Variants in LIPC observed in about 807,000 individuals in gnomAD.
The protein encoded by LIPC is hepatic triacylglycerol lipase.
In LIPC, 44 loss-of-function variants were observed where a neutral mutation model predicts 50.7. That is an observed-to-expected ratio of 0.87 (90% CI 0.68 to 1.11). The LOEUF (loss-of-function observed/expected upper bound fraction) is 1.11. Ranked by LOEUF, LIPC falls within the 50% of genes most tolerant of loss-of-function variation. The pLI is 0.00. For synonymous variants in LIPC, 271 were observed against 256.4 expected (o/e 1.06, Z -0.54); for missense variants, 697 against 648.2 (o/e 1.08, Z -0.82).
At chr15:58,462,140 C>T (rs1894374477) in intron 1 of LIPC, among the ~76,000 whole-genome samples, 1 of 152,218 alleles carries the variant, frequency 6.6e-6, no homozygotes, top group African/African-American at 2.4e-5. Context: ...ATGCATTGCA[C>T]TGTGTTCATT....
At chr15:58,537,228 T>C (rs1893154402) in intron 1 of LIPC, among the ~76,000 whole-genome samples, 1 of 152,144 alleles carries the variant, frequency 6.6e-6, no homozygotes, top group African/African-American at 2.4e-5. Context: ...ACCAGGCCTC[T>C]TGGCAGAGGT....
rs375085447 is a variant in LIPC at position 58,460,953 on chromosome 15, C to T, written c.88+28833C>T. ...AGTGGTTTTGACCAAGGGACTGACC[C>T]GAACATGGCATGTAAGAGGGGTTTG... is the stretch of plus-strand genomic sequence containing the variant. On this transcript the variant is annotated intron_variant, in intron 1 of 8. Transcript: ENST00000299022. Among the ~76,000 whole-genome samples, 10 of 152,072 alleles carry T rather than the reference C, an allele frequency of 6.6e-5. No homozygotes were observed. The East Asian group carries it at 9.6e-4, about 15-fold the overall frequency.
rs375397641 is a variant in LIPC at position 58,541,779 on chromosome 15, C to T, written c.274-6C>T. ...TAGTGCGACCCTCCCTCTGTCCCCT[C>T]CTCAGGTGGACGGCGTGCTAGAAAA... On this transcript the variant is annotated splice_polypyrimidine_tract_variant and splice_region_variant and intron_variant, in intron 2 of 8. Transcript: ENST00000299022. 3 of 1,613,080 alleles carry T rather than the reference C, an allele frequency of 1.9e-6. No individual in the cohort carries two copies. The highest frequency in any genetic ancestry group is 2.5e-6 in the Non-Finnish European group (3 of 1,179,762).
At chr15:58,453,539 A>G (rs1893989366) in intron 1 of LIPC, among the ~76,000 whole-genome samples, 1 of 152,088 alleles carries the variant, frequency 6.6e-6, no homozygotes, top group South Asian at 2.1e-4. Context: ...GGGAATAGAG[A>G]CTGCTTCTTT....
At chr15:58,500,252 T>C (rs144720392) in intron 1 of LIPC, among the ~76,000 whole-genome samples, 1 of 152,260 alleles carries the variant, frequency 6.6e-6, no homozygotes, top group East Asian at 1.9e-4. Flanking sequence ...GAGGCTCAGT[T>C]TCCTCGTAGG....
At chr15:58,442,427 C>G (rs1248730534) in intron 1 of LIPC, among the ~76,000 whole-genome samples, 1 of 152,148 alleles carries the variant, frequency 6.6e-6, no homozygotes, top group African/African-American at 2.4e-5. Flanking sequence ...AGTCAATGAC[C>G]CTTATGCCAT....
intron 1 of LIPC, chr15:58,436,938 C>T (rs1376582587): frequency 8.9e-6 from 4 of 451,296 alleles, no homozygotes; most frequent in South Asian, 4.7e-5. Context: ...AAAAATATCC[C>T]ATAGAACGGT....
At chr15:58,554,114 T>A (rs1481029391) in intron 6 of LIPC, among the ~76,000 whole-genome samples, 1 of 152,130 alleles carries the variant, frequency 6.6e-6, no homozygotes, top group Non-Finnish European at 1.5e-5. Flanking sequence ...AGAAATATAT[T>A]CTCTTTTCAT....
At chr15:58,436,456 T>A (rs1361644782) in intron 1 of LIPC, 6 of 247,462 alleles carry the variant, frequency 2.4e-5, no homozygotes, top group Non-Finnish European at 4.1e-5. Context: ...ATATTTTTAC[T>A]GCATTTGAAT....
chr15:58,524,814 C>T (rs767406469), intron 1 of LIPC, among the ~76,000 whole-genome samples: 2 of 152,196 alleles, frequency 1.3e-5, no homozygotes, highest in East Asian at 1.9e-4. Flanking sequence ...CGGGGATATT[C>T]GCCCTTTGTG....
intron 1 of LIPC, among the ~76,000 whole-genome samples, chr15:58,451,130 C>T (rs552165443): frequency 3.3e-5 from 5 of 152,254 alleles, no homozygotes; most frequent in Admixed American, 3.3e-4. Flanking sequence ...TACTTGGAGG[C>T]ATGTATCCCC....
chr15:58,475,613 T>C (rs1461649569), intron 1 of LIPC, among the ~76,000 whole-genome samples: 1 of 152,224 alleles, frequency 6.6e-6, no homozygotes, highest in Non-Finnish European at 1.5e-5. Context: ...CAGGCACTCC[T>C]GGAGCACTGC....
chr15:58,500,671 G>C (rs551893569), intron 1 of LIPC, among the ~76,000 whole-genome samples: 1 of 152,066 alleles, frequency 6.6e-6, no homozygotes, highest in Non-Finnish European at 1.5e-5. Context: ...ATAGATTTGG[G>C]ATCCACGTGT....
chr15:58,561,357 G>A, intron 7 of LIPC, among the ~76,000 whole-genome samples: 1 of 152,192 alleles, frequency 6.6e-6, no homozygotes, highest in East Asian at 1.9e-4. Context: ...AGTCATGGGT[G>A]CATTCAAAGA....
intron 6 of LIPC, among the ~76,000 whole-genome samples, chr15:58,552,571 C>A (rs1893804439): frequency 6.6e-6 from 1 of 152,224 alleles, no homozygotes; most frequent in African/African-American, 2.4e-5. Context: ...GCACTCCAGG[C>A]TCCCTGGGTC....
chr15:58,520,121 TTG>T lies in LIPC; in HGVS notation c.89-18210_89-18209del, dbSNP rs1262926711. ...CCTCAGGTTTTGGGCTGTTTTTTTTTTGTTTTTTTTTTAATCTGTTAATTGAA... is the reference window on the plus strand; with the variant it reads ...CCTCAGGTTTTGGGCTGTTTTTTTTTTTTTTTTTTTAATCTGTTAATTGAA... On this transcript the variant is annotated intron_variant, in intron 1 of 8. Transcript: ENST00000299022. 4.4e-3 allele frequency among the ~76,000 whole-genome samples: 510 copies of T among 114,766 alleles called. 17 individuals are homozygous for T. The South Asian group carries it at 0.053, about 12-fold the overall frequency. The allele number at this position is 114,766 out of a possible 152,430, so 75.3% of individuals were successfully genotyped here.
chr15:58,458,463 G>A (rs1170145483), intron 1 of LIPC, among the ~76,000 whole-genome samples: 2 of 152,122 alleles, frequency 1.3e-5, no homozygotes, highest in Non-Finnish European at 2.9e-5. Flanking sequence ...ATAATAGCAG[G>A]GACATTGTCC....
Position 58,432,135 on chromosome 15 carries a change from T to G in LIPC, c.88+15T>G, listed in dbSNP as rs753178180. The G allele has an allele frequency of 6.3e-7, 1 of 1,578,012 alleles. No individual in the cohort carries two copies. Among genetic ancestry groups the G allele is most frequent in the African/African-American group, 1.3e-5 (1 of 74,184 alleles). ...CCTGAAACCAGGTAAGAGCCTGACT[T>G]TTCTCCAGAGATGGGCATGAACTTT... On this transcript the variant is annotated intron_variant, in intron 1 of 8. Coordinates refer to ENST00000299022, the MANE Select transcript of LIPC (RefSeq NM_000236.3).
chr15:58,514,985 C>G (rs1892440870), intron 1 of LIPC, among the ~76,000 whole-genome samples: 1 of 152,212 alleles, frequency 6.6e-6, no homozygotes, highest in African/African-American at 2.4e-5. Flanking sequence ...TCTGGAGACT[C>G]TGAGGACAGA....
Sources: allele counts gnomAD v4.1 joint callset (sites outside exome capture counted in the v4.1 genomes callset), GRCh38; gene constraint gnomAD v4.1.1; transcripts MANE v1.5; gene names NCBI Gene and HGNC (gene_info 2026-07-23, HGNC 2026-07-21).